The following DENND1A variants were observed in gnomAD, a reference collection of about 807,000 sequenced individuals.
DENND1A encodes the protein DENN domain containing 1A, also known as DENN domain-containing protein 1A.
A neutral mutation model predicts 113.7 loss-of-function variants in DENND1A; 51 were observed. That is an observed-to-expected ratio of 0.45 (90% CI 0.36 to 0.57). The LOEUF (loss-of-function observed/expected upper bound fraction) is 0.57. Among genes scored for constraint, DENND1A ranks in the 20% least tolerant of loss-of-function variants. DENND1A has a pLI of 0.00. For missense variants in DENND1A, 1,258 were observed against 1,395.9 expected (o/e 0.90, Z 1.57); for synonymous variants, 565 against 570.8 (o/e 0.99, Z 0.14).
chr9:123,618,040 C>T (rs1427639016), intron 10 of DENND1A, among the ~76,000 whole-genome samples: 1 of 152,234 alleles, frequency 6.6e-6, no homozygotes, highest in Admixed American at 6.5e-5. Flanking sequence ...ACCTTTGCAG[C>T]CTCGCCTTTC....
At position 123,671,175 on chromosome 9, in the gene DENND1A, G is replaced by T. The variant is rs2063743667; in HGVS notation, c.453+116C>A. On this transcript the variant is annotated intron_variant, in intron 7 of 23. Coordinates refer to ENST00000394215, the MANE Select transcript of DENND1A (RefSeq NM_001352964.2). ...TGAACTCAGAGGTCTCAGAGTATTT[G>T]GGGGTAGGGTTAGGGGAGGTATGGC... 6.9e-6 allele frequency: 8 copies of T among 1,155,922 alleles called. No homozygotes were observed. The South Asian group carries it at 1.0e-4, about 15-fold the overall frequency. 71.6% of individuals were successfully genotyped at this position (1,155,922 alleles called of 1,614,324 possible). A position where few individuals can be genotyped will look rare whatever the true frequency, so the allele number is the denominator to read the frequency against.
At chr9:123,432,842 C>T (rs1341346233) in intron 19 of DENND1A, among the ~76,000 whole-genome samples, 1 of 152,212 alleles carries the variant, frequency 6.6e-6, no homozygotes, top group East Asian at 1.9e-4. Flanking sequence ...CTTGCTGGTA[C>T]CAGCTCCTGG....
chr9:123,479,499 C>A (rs2050167774), intron 13 of DENND1A, among the ~76,000 whole-genome samples: 1 of 152,220 alleles, frequency 6.6e-6, no homozygotes, highest in East Asian at 1.9e-4. Context: ...TGCACACAGC[C>A]CTGAAAGATA....
rs1334793784 is a variant in DENND1A, at chr9:123,783,718, A to C, written c.132+8869T>G. On this transcript the variant is annotated intron_variant, in intron 3 of 23. Transcript: ENST00000394215. ...CAAAGTCCAAGCTCTTAATCACCAC[A>C]ATCATTCCTCTGCACTCTTTCTGGA... Among the ~76,000 whole-genome samples the C allele has an allele frequency of 2.0e-5, 3 of 152,222 alleles. No individual in the cohort carries two copies. In the East Asian group the frequency reaches 5.8e-4, roughly 29 times the overall value.
intron 13 of DENND1A, among the ~76,000 whole-genome samples, chr9:123,464,994 C>CAAAAAA (rs10655282): frequency 1.3e-4 from 9 of 70,558 alleles, no homozygotes; most frequent in South Asian, 6.1e-4. Context: ...ACTAAAAATA[C>CAAAAAA]AAAAAAAAAA....
At position 123,827,707 on chromosome 9, in the gene DENND1A, T is replaced by TC. The variant is rs369576505; in HGVS notation, c.89-35078dup. 4.7e-4 allele frequency among the ~76,000 whole-genome samples: 71 copies of TC among 151,338 alleles called. 1 individual carries two copies. Among genetic ancestry groups the TC allele is most frequent in the African/African-American group, 1.7e-3 (70 of 41,216 alleles). ...TGTAGGGCCCACAGAATAGAAGAGG[T>TC]CCCAGTAAGTGCTTTAGGCTTTGGG... On this transcript the variant is annotated intron_variant, in intron 2 of 23. Coordinates refer to ENST00000394215, the MANE Select transcript of DENND1A (RefSeq NM_001352964.2).
chr9:123,673,822 C>T (rs886201568), intron 6 of DENND1A, among the ~76,000 whole-genome samples: 7 of 152,268 alleles, frequency 4.6e-5, no homozygotes, highest in Admixed American at 2.0e-4. Context: ...CTTCATCCTA[C>T]GAAAGTGAAA....
At chr9:123,594,308 T>C (rs2059592442) in intron 11 of DENND1A, among the ~76,000 whole-genome samples, 1 of 152,172 alleles carries the variant, frequency 6.6e-6, no homozygotes, top group Non-Finnish European at 1.5e-5. Context: ...GCTGTTGTGT[T>C]TCTCCCACAG....
intron 13 of DENND1A, among the ~76,000 whole-genome samples, chr9:123,485,803 G>A (rs755927677): frequency 6.6e-6 from 1 of 152,186 alleles, no homozygotes; most frequent in Non-Finnish European, 1.5e-5. Context: ...AAGTTTCCTG[G>A]ATATAAGGAA....
At chr9:123,538,468 T>C (rs1244284126) in intron 13 of DENND1A, among the ~76,000 whole-genome samples, 1 of 151,990 alleles carries the variant, frequency 6.6e-6, no homozygotes, top group Admixed American at 6.6e-5. Flanking sequence ...TGAAGAAATG[T>C]CTGATTCCAG....
At chr9:123,431,052 A>G (rs2046099055) in intron 19 of DENND1A, among the ~76,000 whole-genome samples, 1 of 152,176 alleles carries the variant, frequency 6.6e-6, no homozygotes, top group Non-Finnish European at 1.5e-5. Flanking sequence ...GGTCTGATGA[A>G]CATGACTGGA....
chr9:123,704,344 CT>C (rs1354486065), intron 5 of DENND1A, among the ~76,000 whole-genome samples: 2 of 152,134 alleles, frequency 1.3e-5, no homozygotes, highest in Non-Finnish European at 2.9e-5. Context: ...AGGGCTACAT[CT>C]TTAGTGTAAG....
At chr9:123,837,316 C>T (rs60631262) in intron 2 of DENND1A, among the ~76,000 whole-genome samples, 10,923 of 152,194 alleles carry the variant, frequency 0.072, 576 homozygotes, top group African/African-American at 0.15. Flanking sequence ...TTAGCACCCC[C>T]TTGCCTGCCC....
At chr9:123,466,624 C>T (rs2048973356) in intron 13 of DENND1A, among the ~76,000 whole-genome samples, 2 of 152,214 alleles carry the variant, frequency 1.3e-5, no homozygotes, top group African/African-American at 4.8e-5. Context: ...TCTGCACATT[C>T]TCTATCTATC....
intron 1 of DENND1A, among the ~76,000 whole-genome samples, chr9:123,897,276 T>A (rs1436349906): frequency 6.6e-6 from 1 of 152,164 alleles, no homozygotes; most frequent in East Asian, 1.9e-4. Context: ...GTTCCTCCAT[T>A]ATCACTCAGC....
At chr9:123,711,682 A>T (rs1278109133) in intron 5 of DENND1A, among the ~76,000 whole-genome samples, 1 of 151,620 alleles carries the variant, frequency 6.6e-6, no homozygotes. Flanking sequence ...TGACCTCATC[A>T]TTCTGACCTC....
In DENND1A at chr9:123,464,213, G is replaced by A. The variant is rs1222147047; in HGVS notation, c.994-6316C>T. Among the ~76,000 whole-genome samples the A allele has an allele frequency of 4.6e-5, 7 of 152,284 alleles. No individual in the cohort carries two copies. The East Asian group carries it at 9.6e-4, about 21-fold the overall frequency. On this transcript the variant is annotated intron_variant, in intron 13 of 23. Coordinates refer to ENST00000394215, the MANE Select transcript of DENND1A (RefSeq NM_001352964.2). ...TGCAAACACGAATAAAATAGAGTTG[G>A]TACAAACAGTAATAACTAAATGAGG...
At chr9:123,771,889 G>A (rs1829790084) in intron 3 of DENND1A, among the ~76,000 whole-genome samples, 1 of 151,990 alleles carries the variant, frequency 6.6e-6, no homozygotes, top group Admixed American at 6.6e-5. Context: ...GGGGGAAAGG[G>A]AATATAGGCA....
At chr9:123,402,367 T>C (rs551566064) in intron 21 of DENND1A, among the ~76,000 whole-genome samples, 4 of 152,228 alleles carry the variant, frequency 2.6e-5, no homozygotes, top group Non-Finnish European at 2.9e-5. Flanking sequence ...CAGAAAATCC[T>C]GGAGAGCTGA....
Sources: allele counts gnomAD v4.1 joint callset (sites outside exome capture counted in the v4.1 genomes callset), GRCh38; gene constraint gnomAD v4.1.1; transcripts MANE v1.5; gene names NCBI Gene and HGNC (gene_info 2026-07-23, HGNC 2026-07-21).